RASGRF2: variants seen among roughly 807,000 people sequenced by gnomAD.
The protein encoded by RASGRF2 is Ras protein specific guanine nucleotide releasing factor 2.
RASGRF2 carries 76 observed loss-of-function variants against 151.0 expected under a neutral mutation model. The observed-to-expected ratio is 0.50, with a 90% confidence interval of 0.42 to 0.61. The LOEUF (loss-of-function observed/expected upper bound fraction) is 0.61, where lower values mean the gene tolerates loss of function less well. RASGRF2 is among the 20% of genes least tolerant of loss of function. The pLI is 0.00. For synonymous variants in RASGRF2, 504 were observed against 566.5 expected (o/e 0.89, Z 1.57); for missense variants, 1,148 against 1,564.6 (o/e 0.73, Z 4.49).
intron 4 of RASGRF2, among the ~76,000 whole-genome samples, chr5:81,072,373 G>A (rs1257792959): frequency 2.0e-5 from 3 of 152,150 alleles, no homozygotes; most frequent in African/African-American, 7.2e-5. Flanking sequence ...TTTAGACATT[G>A]CAAAAGAAGG....
chr5:81,055,380 A>T (rs1171481515), intron 2 of RASGRF2, among the ~76,000 whole-genome samples: 1 of 152,178 alleles, frequency 6.6e-6, no homozygotes, highest in African/African-American at 2.4e-5. Flanking sequence ...ATCTATTGAG[A>T]TAATCATGTG....
intron 1 of RASGRF2, among the ~76,000 whole-genome samples, chr5:80,973,986 A>G (rs1453565249): frequency 1.3e-5 from 2 of 152,216 alleles, no homozygotes; most frequent in Non-Finnish European, 2.9e-5. Flanking sequence ...GGCCTGATGT[A>G]GCCAATCTGC....
intron 1 of RASGRF2, among the ~76,000 whole-genome samples, chr5:80,985,827 C>T (rs1311877990): frequency 1.3e-5 from 2 of 152,022 alleles, no homozygotes; most frequent in Admixed American, 1.3e-4. Context: ...GAACTAAGGC[C>T]ACCAAAAGGA....
At chr5:81,168,025 C>T (rs564646165) in intron 17 of RASGRF2, among the ~76,000 whole-genome samples, 1 of 152,256 alleles carries the variant, frequency 6.6e-6, no homozygotes, top group African/African-American at 2.4e-5. Flanking sequence ...ATGATCTTGT[C>T]TCATATTTCA....
At chr5:81,040,741 C>T (rs1750653117) in intron 1 of RASGRF2, among the ~76,000 whole-genome samples, 1 of 152,124 alleles carries the variant, frequency 6.6e-6, no homozygotes. Flanking sequence ...CTTTTTTCTC[C>T]CCCTGCTTTA....
chr5:81,147,807 T>C (rs1754039520), intron 17 of RASGRF2, among the ~76,000 whole-genome samples: 3 of 152,238 alleles, frequency 2.0e-5, no homozygotes, highest in Admixed American at 6.5e-5. Context: ...GCACACAAGT[T>C]GAAATTAATT....
rs538275670 is a variant in RASGRF2 at position 81,228,049 on chromosome 5, A to C, written c.*2279A>C. ...ATGTTGGAACTGCCCCGCACTGGTC[A>C]TATTAGGCACTGTCAATTGCTATGC... On this transcript the variant is annotated 3_prime_UTR_variant, in exon 27 of 27. Transcript: ENST00000265080. 6.6e-6 allele frequency: 1 copy of C among 152,286 alleles called. No individual in the cohort carries two copies. The highest frequency in any genetic ancestry group is 2.1e-4 in the South Asian group (1 of 4,826). 9.4% of individuals were successfully genotyped at this position (152,286 alleles called of 1,614,324 possible).
At chr5:81,132,346 T>C (rs1166134329) in intron 17 of RASGRF2, among the ~76,000 whole-genome samples, 1 of 152,206 alleles carries the variant, frequency 6.6e-6, no homozygotes, top group African/African-American at 2.4e-5. Flanking sequence ...ATTTTTATAG[T>C]GCTGTGGTGT....
intron 18 of RASGRF2, among the ~76,000 whole-genome samples, chr5:81,195,239 G>A (rs1755238343): frequency 6.6e-6 from 1 of 152,168 alleles, no homozygotes; most frequent in African/African-American, 2.4e-5. Flanking sequence ...CATCTTGTGG[G>A]CGCCTCGATT....
At chr5:81,215,267 C>CTTTTTTTTTTTT (rs772223510) in intron 23 of RASGRF2, among the ~76,000 whole-genome samples, 1 of 119,790 alleles carries the variant, frequency 8.3e-6, no homozygotes, top group East Asian at 2.5e-4. Flanking sequence ...AATATAGAAT[C>CTTTTTTTTTTTT]TTTTTTTTTT....
intron 3 of RASGRF2, among the ~76,000 whole-genome samples, chr5:81,068,728 T>A (rs1751688010): frequency 6.6e-6 from 1 of 151,922 alleles, no homozygotes; most frequent in African/African-American, 2.4e-5. Flanking sequence ...TCCCTCAGAG[T>A]GTGAACTTCT....
Position 81,228,034 on chromosome 5 carries a change from T to TGCCCC in RASGRF2, c.*2267_*2271dup, listed in dbSNP as rs765426139. On this transcript the variant is annotated 3_prime_UTR_variant, in exon 27 of 27. Transcript: ENST00000265080. Reference sequence around the variant, plus strand: ...CCTATTTCCTGCAGGATGTTGGAACTGCCCCGCACTGGTCATATTAGGCAC... The same window carrying TGCCCC: ...CCTATTTCCTGCAGGATGTTGGAACTGCCCCGCCCCGCACTGGTCATATTAGGCAC... The TGCCCC allele has an allele frequency of 2.0e-5, 3 of 152,210 alleles. No individual in the cohort carries two copies. Among genetic ancestry groups the TGCCCC allele is most frequent in the Non-Finnish European group, 2.9e-5 (2 of 68,040 alleles). 9.4% of individuals were successfully genotyped at this position (152,210 alleles called of 1,614,324 possible). A position where few individuals can be genotyped will look rare whatever the true frequency, so the allele number is the denominator to read the frequency against.
At chr5:81,063,617 T>C (rs1455012623) in intron 2 of RASGRF2, among the ~76,000 whole-genome samples, 1 of 152,178 alleles carries the variant, frequency 6.6e-6, no homozygotes, top group Non-Finnish European at 1.5e-5. Flanking sequence ...AAGACAGATA[T>C]TAGACTTCTT....
chr5:80,973,136 A>G (rs1248381977), intron 1 of RASGRF2, among the ~76,000 whole-genome samples: 1 of 152,174 alleles, frequency 6.6e-6, no homozygotes, highest in Non-Finnish European at 1.5e-5. Flanking sequence ...AAGTTGTTTT[A>G]TGTAGAAAGT....
intron 1 of RASGRF2, among the ~76,000 whole-genome samples, chr5:81,033,430 G>A (rs1361886632): frequency 2.8e-5 from 4 of 140,480 alleles, no homozygotes; most frequent in East Asian, 2.0e-4. Flanking sequence ...AAACAGCATG[G>A]TACTGGTACC....
At chr5:80,995,083 C>T (rs930199642) in intron 1 of RASGRF2, among the ~76,000 whole-genome samples, 2 of 151,924 alleles carry the variant, frequency 1.3e-5, no homozygotes, top group African/African-American at 2.4e-5. Flanking sequence ...GGTGAAACCC[C>T]GTCTCTACTG....
intron 18 of RASGRF2, among the ~76,000 whole-genome samples, chr5:81,190,667 C>T (rs1755136698): frequency 6.6e-6 from 1 of 152,034 alleles, no homozygotes; most frequent in East Asian, 1.9e-4. Context: ...TAAGAAAATC[C>T]TAGTTCCTTG....
intron 25 of RASGRF2, among the ~76,000 whole-genome samples, chr5:81,217,781 G>C (rs62364990): frequency 6.2e-5 from 9 of 146,328 alleles, no homozygotes; most frequent in African/African-American, 2.3e-4. Context: ...CTCGCTCTGT[G>C]GCCCAGGCTG....
chr5:81,211,792 A>C (rs1755635582), intron 22 of RASGRF2, among the ~76,000 whole-genome samples: 1 of 152,228 alleles, frequency 6.6e-6, no homozygotes, highest in Non-Finnish European at 1.5e-5. Context: ...CTTAGCCTCA[A>C]AACTATAGGT....
Sources: gnomAD v4.1 joint callset for allele counts (sites outside exome capture counted in the v4.1 genomes callset) on GRCh38, gnomAD v4.1.1 for gene constraint, MANE v1.5 for transcripts, NCBI Gene and HGNC (gene_info 2026-07-23, HGNC 2026-07-21) for gene names.